UBE2D2: variants seen among roughly 807,000 people sequenced by gnomAD.
UBE2D2 encodes ubiquitin conjugating enzyme E2 D2, also known as ubiquitin-conjugating enzyme E2 D2.
In UBE2D2, 2 loss-of-function variants were observed where a neutral mutation model predicts 24.2. The observed-to-expected ratio is 0.08, with a 90% CI of 0.03 to 0.26. The LOEUF (loss-of-function observed/expected upper bound fraction) is 0.26, where lower values mean the gene tolerates loss of function less well. Among genes scored for constraint, UBE2D2 ranks in the 10% least tolerant of loss-of-function variants. The pLI is 1.00. For missense variants in UBE2D2, 44 were observed against 177.6 expected (o/e 0.25, Z 4.28); for synonymous variants, 58 against 56.5 (o/e 1.03, Z -0.12).
upstream of UBE2D2, among the ~76,000 whole-genome samples, chr5:139,558,057 C>T (rs531432697): frequency 1.3e-5 from 2 of 151,656 alleles, no homozygotes; most frequent in Non-Finnish European, 2.9e-5. Flanking sequence ...CACTGCACTC[C>T]AGCCTGAGGG....
At chr5:139,546,817 T>TCTTCTTTCTTCCTTC (rs1554075920) in intron 1 of UBE2D2, among the ~76,000 whole-genome samples, 1 of 138,302 alleles carries the variant, frequency 7.2e-6, no homozygotes, top group Admixed American at 7.5e-5. Flanking sequence ...CTTCTTTCTT[T>TCTTCTTTCTTCCTTC]CTTCCTTCCT....
At chr5:139,559,814 T>C (rs554576808), upstream of UBE2D2, among the ~76,000 whole-genome samples, 1 of 152,146 alleles carries the variant, frequency 6.6e-6, no homozygotes, top group African/African-American at 2.4e-5. Context: ...TTTCAGAATG[T>C]GGGCATTACC....
At chr5:139,603,520 G>A (rs1035537517) in intron 2 of UBE2D2, among the ~76,000 whole-genome samples, 2 of 151,702 alleles carry the variant, frequency 1.3e-5, no homozygotes, top group African/African-American at 4.8e-5. Context: ...CTACCTAGGA[G>A]GCTGAGGCAG....
chr5:139,615,513 A>G (rs1410691800), intron 5 of UBE2D2, among the ~76,000 whole-genome samples: 3 of 152,254 alleles, frequency 2.0e-5, no homozygotes, highest in East Asian at 3.9e-4. Flanking sequence ...GGACACTGGT[A>G]TGAATGTTTT....
Position 139,627,687 on chromosome 5 carries a change from A to G in UBE2D2, c.*886A>G, listed in dbSNP as rs1326486919. 6.6e-6 allele frequency: 1 copy of G among 152,666 alleles called. No homozygotes were observed. Among genetic ancestry groups the G allele is most frequent in the African/African-American group, 2.4e-5 (1 of 41,466 alleles). 9.5% of individuals were successfully genotyped at this position (152,666 alleles called of 1,614,324 possible). ...ATAAACTGGTTACTACAGTCATTAC[A>G]TATAATTTTGTGTGAATAGGCTTTT... On this transcript the variant is annotated 3_prime_UTR_variant, in exon 7 of 7. Coordinates refer to ENST00000398733, the MANE Select transcript of UBE2D2 (RefSeq NM_003339.3).
intron 1 of UBE2D2, among the ~76,000 whole-genome samples, chr5:139,592,642 G>T (rs1179540534): frequency 3.2e-5 from 4 of 126,432 alleles, no homozygotes; most frequent in East Asian, 4.6e-4. Context: ...TTGCTCTGTT[G>T]CCCAGATTGG....
intron 1 of UBE2D2, among the ~76,000 whole-genome samples, chr5:139,582,119 G>A (rs1237606458): frequency 1.3e-5 from 2 of 151,802 alleles, no homozygotes; most frequent in Non-Finnish European, 2.9e-5. Context: ...TGTAGGCACT[G>A]TGGTGTACAG....
rs193294890 is a variant in UBE2D2 at position 139,601,050 on chromosome 5, G to A, written c.88+615G>A. Among the ~76,000 whole-genome samples the A allele has an allele frequency of 4.3e-3, 659 of 152,264 alleles. 6 individuals are homozygous for A. The highest frequency in any genetic ancestry group is 5.4e-3 in the Non-Finnish European group (368 of 68,024). On this transcript the variant is annotated intron_variant, in intron 2 of 6. Transcript: ENST00000398733. ...ACTCCTGGCCTCAGGTGATCCGCCC[G>A]CTTTGGCCTCCCAAAGTGCTGGGAT...
chr5:139,542,710 A>G (rs2126633249), intron 1 of UBE2D2, among the ~76,000 whole-genome samples: 1 of 152,310 alleles, frequency 6.6e-6, no homozygotes, highest in South Asian at 2.1e-4. Context: ...AGGTAGAAGT[A>G]ACCCAAGTGT....
Position 139,626,841 on chromosome 5 carries a change from G to T in UBE2D2, c.*40G>T, listed in dbSNP as rs777993785. On this transcript the variant is annotated 3_prime_UTR_variant, in exon 7 of 7. Coordinates refer to ENST00000398733, the MANE Select transcript of UBE2D2 (RefSeq NM_003339.3). ...GGATAACCTCTACAAATAAAGATAG[G>T]GGAACTCTGAAAGAGAAAGTCCTTT... 6 of 1,561,036 alleles carry T rather than the reference G, an allele frequency of 3.8e-6. No homozygotes were observed. Among genetic ancestry groups the T allele is most frequent in the South Asian group, 3.4e-5 (3 of 89,112 alleles).
chr5:139,534,832 TA>T (rs1325686104), intron 1 of UBE2D2, among the ~76,000 whole-genome samples: 3 of 152,104 alleles, frequency 2.0e-5, no homozygotes, highest in African/African-American at 4.8e-5. Context: ...TTGTTTAGAA[TA>T]TTGAATATCT....
chr5:139,598,126 C>T (rs1382567560), intron 1 of UBE2D2, among the ~76,000 whole-genome samples: 7 of 152,164 alleles, frequency 4.6e-5, no homozygotes, highest in Admixed American at 3.9e-4. Context: ...TGGTCTCGAT[C>T]TCCTGACCTC....
rs1285703503 is a variant in UBE2D2, at chr5:139,561,748, G to T, written c.-44G>T. On this transcript the variant is annotated 5_prime_UTR_variant, in exon 1 of 7. Coordinates refer to ENST00000398733, the MANE Select transcript of UBE2D2 (RefSeq NM_003339.3). ...CTAGCCCCTTCCCCGTCCCTTCCCC[G>T]CCCCCGTCCCCGCCCCGGGGGCCGC... 1.6e-5 allele frequency: 8 copies of T among 513,258 alleles called. No individual in the cohort carries two copies. The highest frequency in any genetic ancestry group is 2.4e-5 in the Non-Finnish European group (8 of 329,500). The allele number at this position is 513,258 out of a possible 1,614,324, so 31.8% of individuals were successfully genotyped here.
At chr5:139,541,360 G>A (rs192968088) in intron 1 of UBE2D2, among the ~76,000 whole-genome samples, 6 of 150,740 alleles carry the variant, frequency 4.0e-5, no homozygotes, top group African/African-American at 1.5e-4. Context: ...CCAGCACTTT[G>A]GGAGGCCGAG....
intron 1 of UBE2D2, among the ~76,000 whole-genome samples, chr5:139,526,861 TCA>T (rs1359943124): frequency 6.6e-6 from 1 of 152,268 alleles, no homozygotes; most frequent in Non-Finnish European, 1.5e-5. Context: ...GTTTTGGTTT[TCA>T]CTTGGCTTAA....
At chr5:139,588,143 T>C (rs909770995) in intron 1 of UBE2D2, among the ~76,000 whole-genome samples, 1 of 152,024 alleles carries the variant, frequency 6.6e-6, no homozygotes, top group African/African-American at 2.4e-5. Flanking sequence ...GTTTCTATTT[T>C]GTAGAGATGG....
At chr5:139,592,604 T>G (rs1169199700) in intron 1 of UBE2D2, among the ~76,000 whole-genome samples, 1 of 148,082 alleles carries the variant, frequency 6.8e-6, no homozygotes, top group Non-Finnish European at 1.5e-5. Context: ...ATCTTTTTTT[T>G]TTTTTTTTTT....
chr5:139,548,163 C>CAAAAAA (rs749269739), intron 1 of UBE2D2, among the ~76,000 whole-genome samples: 2 of 32,956 alleles, frequency 6.1e-5, no homozygotes, highest in African/African-American at 7.8e-5. Flanking sequence ...GACTCCGTCT[C>CAAAAAA]AAAAAAAAAA....
intron 1 of UBE2D2, among the ~76,000 whole-genome samples, chr5:139,595,881 T>G (rs1158698308): frequency 6.9e-6 from 1 of 144,888 alleles, no homozygotes; most frequent in African/African-American, 2.7e-5. Context: ...GTTTTTTTTT[T>G]GTTTTTTGTT....
Sources: gnomAD v4.1 joint callset for allele counts (sites outside exome capture counted in the v4.1 genomes callset) on GRCh38, gnomAD v4.1.1 for gene constraint, MANE v1.5 for transcripts, NCBI Gene and HGNC (gene_info 2026-07-23, HGNC 2026-07-21) for gene names.